Variants in KIF1B observed in about 807,000 individuals in gnomAD.
KIF1B encodes the protein kinesin family member 1B.
Under a neutral mutation model 241.9 loss-of-function variants are expected in KIF1B, and 76 were observed. The observed-to-expected ratio is 0.31, with a 90% CI of 0.26 to 0.38. The LOEUF is 0.38. Ranked by LOEUF, KIF1B falls within the 10% of genes least tolerant of loss-of-function variation. The pLI, the probability that KIF1B is intolerant of heterozygous loss-of-function variation, is 1.00. For missense variants in KIF1B, 1,622 were observed against 2,271.4 expected, an observed-to-expected ratio of 0.71 and a Z score of 5.81; for synonymous variants, 750 against 796.7, an observed-to-expected ratio of 0.94 and a Z score of 0.99.
chr1:10,239,932 A>T (rs1557657845), intron 2 of KIF1B, among the ~76,000 whole-genome samples: 2 of 151,620 alleles, frequency 1.3e-5, no homozygotes, highest in African/African-American at 4.8e-5. Flanking sequence ...TGCCTGGCTA[A>T]TTTTTTTGTA....
chr1:10,249,145 A>T (rs1647306108), intron 2 of KIF1B, among the ~76,000 whole-genome samples: 1 of 152,166 alleles, frequency 6.6e-6, no homozygotes, highest in Admixed American at 6.6e-5. Context: ...TAAATTCGTA[A>T]CAGCTTGTGG....
intron 16 of KIF1B, 66 bp from the exon 17 acceptor site, chr1:10,291,981 T>C (rs1650022169): frequency 9.5e-6 from 13 of 1,372,598 alleles, no homozygotes; most frequent in East Asian, 4.6e-5. Flanking sequence ...TATTTTCCAA[T>C]TCATATTAGA....
chr1:10,258,952 A>G (rs905368340), intron 4 of KIF1B, among the ~76,000 whole-genome samples: 5 of 152,220 alleles, frequency 3.3e-5, no homozygotes, highest in African/African-American at 1.2e-4. Flanking sequence ...AAGTGTTACC[A>G]GCTTGTTAAA....
rs533188774 is a variant in KIF1B at position 10,312,102 on chromosome 1, C to G, written c.2116-7941C>G. On this transcript the variant is annotated intron_variant, in intron 22 of 48. Coordinates refer to ENST00000676179, the MANE Select transcript of KIF1B (RefSeq NM_001365951.3). The stretch of plus-strand genomic sequence containing the variant: ...GTGTCCTCTCTCTCCAGCCTGGGCC[C>G]CTACCCTGAGCTCTAGATGCTGATG... Among the ~76,000 whole-genome samples the G allele has an allele frequency of 2.5e-4, 37 of 145,314 alleles. 1 individual carries two copies. Among genetic ancestry groups the G allele is most frequent in the Non-Finnish European group, 4.2e-4 (28 of 66,018 alleles).
chr1:10,246,870 A>T (rs1371965848), intron 2 of KIF1B, among the ~76,000 whole-genome samples: 1 of 151,810 alleles, frequency 6.6e-6, no homozygotes. Flanking sequence ...GTAATTTTAA[A>T]TTTTTTTTGT....
chr1:10,247,415 C>T (rs144921825), intron 2 of KIF1B, among the ~76,000 whole-genome samples: 56 of 152,256 alleles, frequency 3.7e-4, no homozygotes, highest in African/African-American at 1.3e-3. Flanking sequence ...TCTCCTAACC[C>T]GGCTTTATTT....
At position 10,374,285 on chromosome 1, in the gene KIF1B, C is replaced by A; in HGVS notation, c.4947-31C>A. On this transcript the variant is annotated intron_variant, in intron 45 of 48. Coordinates refer to ENST00000676179, the MANE Select transcript of KIF1B (RefSeq NM_001365951.3). This position sits in a 1 kb window ranked among gnomAD's most constrained non-coding sequence, Gnocchi z 4.3. The stretch of plus-strand genomic sequence containing the variant: ...TTGATTGTAACTGATTCTCTTGTTA[C>A]CCTTTTCTTTCTAATCTCTCTATTT... The A allele has an allele frequency of 6.2e-7, 1 of 1,608,822 alleles. No homozygotes were observed. The highest frequency in any genetic ancestry group is 8.5e-7 in the Non-Finnish European group (1 of 1,175,222).
At chr1:10,229,463 A>T (rs1557650567) in intron 1 of KIF1B, among the ~76,000 whole-genome samples, 1 of 152,164 alleles carries the variant, frequency 6.6e-6, no homozygotes. Flanking sequence ...ATCTCTGAGC[A>T]TTCTGGTGGT....
intron 22 of KIF1B, chr1:10,304,180 G>A: frequency 6.2e-7 from 1 of 1,614,152 alleles, no homozygotes; most frequent in Non-Finnish European, 8.5e-7. Flanking sequence ...AGCAAGGAAA[G>A]GGAATAAAGA....
intron 40 of KIF1B, among the ~76,000 whole-genome samples, chr1:10,362,925 A>G (rs1266640286): frequency 6.6e-6 from 1 of 152,150 alleles, no homozygotes; most frequent in African/African-American, 2.4e-5. Context: ...CTTAAAAATT[A>G]GCTGGGTATA....
At chr1:10,265,003 C>T (rs1225687886) in intron 5 of KIF1B, among the ~76,000 whole-genome samples, 1 of 151,734 alleles carries the variant, frequency 6.6e-6, no homozygotes, top group African/African-American at 2.4e-5. Flanking sequence ...AGGTCTTGCT[C>T]TGTTACCCAG....
At chr1:10,231,718 G>A (rs1307602686) in intron 1 of KIF1B, among the ~76,000 whole-genome samples, 1 of 152,000 alleles carries the variant, frequency 6.6e-6, no homozygotes, top group Non-Finnish European at 1.5e-5. Context: ...AGTAGTAAGT[G>A]GTTTGCACGT....
intron 5 of KIF1B, among the ~76,000 whole-genome samples, chr1:10,265,011 C>T (rs985486596): frequency 1.3e-5 from 2 of 151,728 alleles, no homozygotes; most frequent in Non-Finnish European, 2.9e-5. Flanking sequence ...CTCTGTTACC[C>T]AGACTGGAGT....
chr1:10,307,253 G>A, intron 22 of KIF1B: 1 of 1,021,962 alleles, frequency 9.8e-7, no homozygotes, highest in East Asian at 6.5e-5. Flanking sequence ...TACTAAATAA[G>A]TAACTAGTGC....
intron 2 of KIF1B, among the ~76,000 whole-genome samples, chr1:10,249,738 C>T (rs191639753): frequency 4.6e-5 from 7 of 152,102 alleles, no homozygotes; most frequent in South Asian, 2.1e-4. Context: ...CCTGTCTCTA[C>T]AAAAAAATAA....
chr1:10,220,371 A>G (rs933566453), intron 1 of KIF1B, among the ~76,000 whole-genome samples: 6 of 143,568 alleles, frequency 4.2e-5, no homozygotes, highest in Non-Finnish European at 6.0e-5. Context: ...ACCCTGTTTC[A>G]ATAGATAGAT....
intron 37 of KIF1B, 41 bp downstream of exon 37, chr1:10,348,774 C>CAG (rs1557729444): frequency 1.4e-6 from 2 of 1,479,014 alleles, no homozygotes; most frequent in Non-Finnish European, 1.9e-6. Context: ...CCAGGACTTA[C>CAG]AGAGATTTTT....
At chr1:10,239,074 C>T (rs1647097969) in intron 2 of KIF1B, among the ~76,000 whole-genome samples, 1 of 152,048 alleles carries the variant, frequency 6.6e-6, no homozygotes, top group East Asian at 1.9e-4. Flanking sequence ...TCAGCCTCTC[C>T]AGTAGCTGGG....
At chr1:10,263,118 A>G (rs1648240445) in intron 5 of KIF1B, among the ~76,000 whole-genome samples, 1 of 152,088 alleles carries the variant, frequency 6.6e-6, no homozygotes. Context: ...CCCTGTCTCT[A>G]CTAAAAACAC....
Sources: gnomAD v4.1 joint callset for allele counts (sites outside exome capture counted in the v4.1 genomes callset) on GRCh38, gnomAD v4.1.1 for gene constraint, Gnocchi (gnomAD v3.1) non-coding constraint, MANE v1.5 for transcripts, NCBI Gene and HGNC (gene_info 2026-07-23, HGNC 2026-07-21) for gene names.